Variants in SBK1 observed in about 807,000 individuals in gnomAD.
SBK1 encodes serine/threonine-protein kinase SBK1.
Under a neutral mutation model 24.4 loss-of-function variants are expected in SBK1, and 11 were observed. That is an observed-to-expected ratio of 0.45 (90% CI 0.28 to 0.75). SBK1 has a LOEUF of 0.75. Among genes scored for constraint, SBK1 ranks in the 30% least tolerant of loss-of-function variants. The probability of loss-of-function intolerance (pLI) is 0.12; values close to 1 mark genes in which losing one functional copy is unlikely to be tolerated. For missense variants in SBK1, 467 were observed against 620.5 expected (o/e 0.75, Z 2.63); for synonymous variants, 308 against 284.4 (o/e 1.08, Z -0.83).
intron 1 of SBK1, among the ~76,000 whole-genome samples, chr16:28,313,626 G>A (rs892447089): frequency 1.3e-5 from 2 of 151,796 alleles, no homozygotes; most frequent in Non-Finnish European, 2.9e-5. Context: ...TACTGACAGG[G>A]GAGATGAGCT....
intron 1 of SBK1, among the ~76,000 whole-genome samples, chr16:28,265,253 A>T (rs180828103): frequency 8.6e-5 from 13 of 151,902 alleles, no homozygotes; most frequent in Non-Finnish European, 1.2e-4. Flanking sequence ...CATCTCTATT[A>T]AAAAAAGAAA....
At chr16:28,263,319 C>T (rs1367637231) in intron 1 of SBK1, among the ~76,000 whole-genome samples, 1 of 152,184 alleles carries the variant, frequency 6.6e-6, no homozygotes, top group African/African-American at 2.4e-5. Context: ...ATAAACAAAT[C>T]GTCAAGGTTC....
At chr16:28,301,351 C>G (rs540289796) in intron 1 of SBK1, among the ~76,000 whole-genome samples, 1 of 152,222 alleles carries the variant, frequency 6.6e-6, no homozygotes, top group African/African-American at 2.4e-5. Context: ...AGGAAGGCAG[C>G]GTCACAAGCT....
chr16:28,265,732 G>A (rs986378683), intron 1 of SBK1, among the ~76,000 whole-genome samples: 1 of 152,072 alleles, frequency 6.6e-6, no homozygotes, highest in African/African-American at 2.4e-5. Flanking sequence ...CCAGCACTTT[G>A]GGAGAGTGAA....
At position 28,320,846 on chromosome 16, in the gene SBK1, C is replaced by A; in HGVS notation, c.1200C>A (p.Pro400=). 3 of 1,474,012 alleles carry A rather than the reference C, an allele frequency of 2.0e-6. No individual in the cohort carries two copies. Among genetic ancestry groups the A allele is most frequent in the Non-Finnish European group, 2.7e-6 (3 of 1,114,108 alleles). The allele number at this position is 1,474,012 out of a possible 1,614,324, so 91.3% of individuals were successfully genotyped here. A position where few individuals can be genotyped will look rare whatever the true frequency, so the allele number is the denominator to read the frequency against. The change falls in exon 4 of 4, where the codon CCC becomes CCA. Residue 400 remains proline, a synonymous_variant. Transcript: ENST00000341901. The surrounding 1 kb of genome is among the most constrained non-coding windows in gnomAD (Gnocchi z 8.5). ...PEPGLAPQGP[P]GRTDGRADKS... is the part of the protein sequence containing the mutation. ...CCGGCCTAGCTCCCCAGGGGCCCCC[C>A]GGCCGGACCGACGGCCGCGCGGACA...
intron 1 of SBK1, among the ~76,000 whole-genome samples, chr16:28,279,880 A>G (rs1755264665): frequency 6.6e-6 from 1 of 151,752 alleles, no homozygotes; most frequent in South Asian, 2.1e-4. Flanking sequence ...TTGTAAACTG[A>G]AGCACGGGGG....
intron 1 of SBK1, among the ~76,000 whole-genome samples, chr16:28,268,080 G>C (rs1010823662): frequency 6.6e-5 from 10 of 152,124 alleles, no homozygotes; most frequent in African/African-American, 2.4e-4. Context: ...CTAGGAGTTT[G>C]AGACCAGCCT....
At chr16:28,310,195 C>T (rs2044744697) in intron 1 of SBK1, among the ~76,000 whole-genome samples, 2 of 152,168 alleles carry the variant, frequency 1.3e-5, no homozygotes, top group Non-Finnish European at 2.9e-5. Flanking sequence ...ACCCTTGAGG[C>T]GTGAGGTGTG....
chr16:28,301,020 A>C, intron 1 of SBK1, among the ~76,000 whole-genome samples: 1 of 151,546 alleles, frequency 6.6e-6, no homozygotes, highest in Non-Finnish European at 1.5e-5. Flanking sequence ...CTGTTCACCC[A>C]GCCATCTCAC....
At position 28,321,673 on chromosome 16, in the gene SBK1, C is replaced by G. The variant is rs920052991; in HGVS notation, c.*752C>G. ...GCCCAGGAGGGAGGGTAGCTTGGCA[C>G]TGGCTGAGAAATAGAGCTCTCTCCC... On this transcript the variant is annotated 3_prime_UTR_variant, in exon 4 of 4. Transcript: ENST00000341901. 6.5e-6 allele frequency: 1 copy of G among 152,940 alleles called. No individual in the cohort carries two copies. The highest frequency in any genetic ancestry group is 2.4e-5 in the African/African-American group (1 of 41,442). 9.5% of individuals were successfully genotyped at this position (152,940 alleles called of 1,614,324 possible). A position where few individuals can be genotyped will look rare whatever the true frequency, so the allele number is the denominator to read the frequency against.
At chr16:28,300,289 C>T (rs1390118669) in intron 1 of SBK1, among the ~76,000 whole-genome samples, 2 of 147,574 alleles carry the variant, frequency 1.4e-5, no homozygotes, top group African/African-American at 2.5e-5. Context: ...GGACACATCA[C>T]TTAAGCTTCC....
rs1193892341 is a variant in SBK1, at chr16:28,306,956, C to T, written c.-7-10429C>T. Among the ~76,000 whole-genome samples the T allele has an allele frequency of 2.0e-5, 3 of 152,136 alleles. No homozygotes were observed. In the South Asian group the frequency reaches 6.2e-4, roughly 32 times the overall value. ...TGGCCAGAGAGGAACAGTGATTTGC[C>T]GAAAGTTACGTAGGAAGTCAGTGGC... On this transcript the variant is annotated intron_variant, in intron 1 of 3. Transcript: ENST00000341901.
upstream of SBK1, among the ~76,000 whole-genome samples, chr16:28,288,263 G>A (rs1340826042): frequency 6.6e-6 from 1 of 152,174 alleles, no homozygotes; most frequent in Non-Finnish European, 1.5e-5. Flanking sequence ...TTCTTTGGCT[G>A]GGATCAGCTC....
rs552577548 is a variant in SBK1 at position 28,316,441 on chromosome 16, A to G, written c.-7-944A>G. 3.1e-4 allele frequency among the ~76,000 whole-genome samples: 47 copies of G among 152,152 alleles called. No homozygotes were observed. In the South Asian group the frequency reaches 9.5e-3, roughly 31 times the overall value. ...ATGCTGTGTCCTCCAGGCTTTGGAG[A>G]GCCCTGGGGAACAGCAGGTGCTTCG... On this transcript the variant is annotated intron_variant, in intron 1 of 3. Coordinates refer to ENST00000341901, the MANE Select transcript of SBK1 (RefSeq NM_001024401.3).
intron 1 of SBK1, among the ~76,000 whole-genome samples, chr16:28,277,222 C>G (rs2044499022): frequency 1.3e-5 from 2 of 151,924 alleles, no homozygotes. Flanking sequence ...GGTTTGTACC[C>G]CACAAACTTA....
chr16:28,295,602 G>C (rs549978229), intron 1 of SBK1, among the ~76,000 whole-genome samples: 1 of 152,254 alleles, frequency 6.6e-6, no homozygotes, highest in East Asian at 1.9e-4. Context: ...GTCTAATTCA[G>C]AGCCCAGCGT....
chr16:28,264,095 CT>C (rs2044413486), intron 1 of SBK1, among the ~76,000 whole-genome samples: 1 of 152,110 alleles, frequency 6.6e-6, no homozygotes, highest in Non-Finnish European at 1.5e-5. Flanking sequence ...TGTCACCACA[CT>C]TTAGCCTAGG....
Position 28,322,131 on chromosome 16 carries a change from G to T in SBK1, c.*1210G>T, listed in dbSNP as rs1385992783. Reference sequence around the variant, plus strand: ...CTAGGTGTGTGTGCACATGTGTAGGGTGCAGACGCATGGGTGCCATCCTTT... The same window carrying T: ...CTAGGTGTGTGTGCACATGTGTAGGTTGCAGACGCATGGGTGCCATCCTTT... On this transcript the variant is annotated 3_prime_UTR_variant, in exon 4 of 4. Transcript: ENST00000341901. The T allele has an allele frequency of 6.6e-6, 1 of 152,496 alleles. No individual in the cohort carries two copies. The highest frequency in any genetic ancestry group is 1.5e-5 in the Non-Finnish European group (1 of 68,206). The allele number at this position is 152,496 out of a possible 1,614,324, so 9.4% of individuals were successfully genotyped here.
chr16:28,317,329 G>C lies in SBK1; in HGVS notation c.-7-56G>C. On this transcript the variant is annotated intron_variant, in intron 1 of 3. Coordinates refer to ENST00000341901, the MANE Select transcript of SBK1 (RefSeq NM_001024401.3). The surrounding 1 kb of genome is among the most constrained non-coding windows in gnomAD (Gnocchi z 4.2). The stretch of plus-strand genomic sequence containing the variant: ...GGTTCTGGGGAGGGCAGAGGGGCTG[G>C]AGGAGGGGACCCTTGCCTGATGTCA... The C allele has an allele frequency of 7.3e-7, 1 of 1,376,662 alleles. No homozygotes were observed. The highest frequency in any genetic ancestry group is 1.0e-6 in the Non-Finnish European group (1 of 972,948). The allele number at this position is 1,376,662 out of a possible 1,614,324, so 85.3% of individuals were successfully genotyped here.
Sources: allele counts gnomAD v4.1 joint callset (sites outside exome capture counted in the v4.1 genomes callset), GRCh38; gene constraint gnomAD v4.1.1; non-coding constraint Gnocchi (gnomAD v3.1); transcripts MANE v1.5; gene names NCBI Gene and HGNC (gene_info 2026-07-23, HGNC 2026-07-21).